Variants in TENM2 observed in about 807,000 individuals in gnomAD.
The protein encoded by TENM2 is teneurin-2.
In TENM2, 52 loss-of-function variants were observed where a neutral mutation model predicts 245.2. The ratio of observed to expected loss-of-function variants is 0.21; its 90% CI spans 0.17 to 0.27. TENM2 has a LOEUF of 0.27. Among genes scored for constraint, TENM2 ranks in the 10% least tolerant of loss-of-function variants. TENM2 has a pLI of 1.00. For missense variants in TENM2, 3,046 were observed against 3,666.8 expected, an observed-to-expected ratio of 0.83 and a Z score of 4.37; for synonymous variants, 1,363 against 1,438.9, an observed-to-expected ratio of 0.95 and a Z score of 1.19.
chr5:167,776,590 T>C (rs1374938523), intron 2 of TENM2, among the ~76,000 whole-genome samples: 10 of 61,794 alleles, frequency 1.6e-4, no homozygotes, highest in African/African-American at 1.1e-3. Flanking sequence ...TGAGACCCTG[T>C]CTGAAAAAAA....
the TENM2 span, among the ~76,000 whole-genome samples, chr5:167,112,656 G>C: frequency 6.6e-6 from 1 of 152,220 alleles, no homozygotes; most frequent in East Asian, 1.9e-4. Flanking sequence ...ACTGTTTCCA[G>C]ATGGAATTCA....
chr5:167,281,910 G>C (rs899148208), upstream of TENM2, among the ~76,000 whole-genome samples: 1 of 150,226 alleles, frequency 6.7e-6, no homozygotes, highest in Non-Finnish European at 1.5e-5. Flanking sequence ...AGAGGCAGGA[G>C]AATCGCTTGA....
intron 3 of TENM2, among the ~76,000 whole-genome samples, chr5:167,909,800 G>A (rs1293573563): frequency 6.6e-6 from 1 of 151,948 alleles, no homozygotes; most frequent in Non-Finnish European, 1.5e-5. Context: ...CATAAATATA[G>A]AACAGACTTA....
intron 5 of TENM2, among the ~76,000 whole-genome samples, chr5:168,011,509 C>A (rs894739907): frequency 3.3e-5 from 5 of 152,174 alleles, no homozygotes; most frequent in African/African-American, 1.2e-4. Flanking sequence ...TTGAAAATTC[C>A]TGCTCTAATT....
intron 12 of TENM2, among the ~76,000 whole-genome samples, chr5:168,152,176 G>T (rs1456342932): frequency 2.0e-5 from 3 of 152,218 alleles, no homozygotes; most frequent in Admixed American, 2.0e-4. Flanking sequence ...GCTAATGCAT[G>T]TAGGGGATCT....
chr5:167,239,490 A>G, the TENM2 span, among the ~76,000 whole-genome samples: 2 of 152,172 alleles, frequency 1.3e-5, no homozygotes, highest in Non-Finnish European at 2.9e-5. Context: ...CATTCACCTC[A>G]ATAGTCCAGC....
chr5:167,874,121 A>G (rs1435580242), intron 2 of TENM2, among the ~76,000 whole-genome samples: 1 of 151,010 alleles, frequency 6.6e-6, no homozygotes, highest in Non-Finnish European at 1.5e-5. Context: ...CTAAACCCCA[A>G]CTCCTACCTG....
intron 27 of TENM2, among the ~76,000 whole-genome samples, chr5:168,251,044 A>G (rs1269156788): frequency 6.6e-6 from 1 of 152,210 alleles, no homozygotes; most frequent in Non-Finnish European, 1.5e-5. Flanking sequence ...TTCCAGAGAC[A>G]GGAAACTGTG....
intron 19 of TENM2, among the ~76,000 whole-genome samples, chr5:168,204,989 C>G (rs535982705): frequency 9.2e-5 from 14 of 152,330 alleles, no homozygotes; most frequent in East Asian, 1.9e-4. Flanking sequence ...CTGGCTAGCT[C>G]TCTATAAAGT....
At chr5:167,003,616 A>G in the TENM2 span, among the ~76,000 whole-genome samples, 1 of 152,128 alleles carries the variant, frequency 6.6e-6, no homozygotes, top group Non-Finnish European at 1.5e-5. Context: ...GACAATCAGT[A>G]TTTGTTGCTT....
At chr5:167,944,322 C>A (rs759590741) in intron 3 of TENM2, among the ~76,000 whole-genome samples, 1 of 152,110 alleles carries the variant, frequency 6.6e-6, no homozygotes, top group East Asian at 1.9e-4. Context: ...ATGCCTGAAC[C>A]GCTAGAACAA....
chr5:168,168,939 G>A (rs1758552452), intron 13 of TENM2, among the ~76,000 whole-genome samples: 1 of 152,148 alleles, frequency 6.6e-6, no homozygotes, highest in South Asian at 2.1e-4. Flanking sequence ...GTTAGACCCT[G>A]AAAATAAGCC....
chr5:167,728,478 TG>T (rs1179567639), intron 2 of TENM2, among the ~76,000 whole-genome samples: 1 of 140,000 alleles, frequency 7.1e-6, no homozygotes, highest in African/African-American at 2.9e-5. Flanking sequence ...GGCATGGTGG[TG>T]CGTGCCTATG....
chr5:167,454,648 T>G (rs534674687), intron 2 of TENM2, among the ~76,000 whole-genome samples: 48 of 152,284 alleles, frequency 3.2e-4, no homozygotes, highest in African/African-American at 1.1e-3. Flanking sequence ...CTGCCCCATC[T>G]CTTTCCCATC....
At chr5:167,115,266 G>C in the TENM2 span, among the ~76,000 whole-genome samples, 1 of 152,136 alleles carries the variant, frequency 6.6e-6, no homozygotes, top group East Asian at 1.9e-4. Context: ...TCTACAAAAT[G>C]ATTTCTGAGA....
At chr5:168,224,191 G>T (rs1763933994) in intron 23 of TENM2, among the ~76,000 whole-genome samples, 1 of 152,192 alleles carries the variant, frequency 6.6e-6, no homozygotes, top group South Asian at 2.1e-4. Context: ...GCACAGAGGA[G>T]CCCTATTGAT....
Position 167,841,166 on chromosome 5 carries a change from C to T in TENM2, c.503-34820C>T, listed in dbSNP as rs575889510. On this transcript the variant is annotated intron_variant, in intron 2 of 28. Coordinates refer to ENST00000518659, the Ensembl canonical transcript of TENM2. ...CCATCTCCCAGGTTCAAGTGATTCT[C>T]CTGCCTCAATCTCCCAAGTAGCTGG... 5.1e-4 allele frequency among the ~76,000 whole-genome samples: 78 copies of T among 151,754 alleles called. 1 individual carries two copies. Among genetic ancestry groups the T allele is most frequent in the Non-Finnish European group, 7.8e-4 (53 of 68,018 alleles).
chr5:167,063,557 T>C, the TENM2 span, among the ~76,000 whole-genome samples: 1 of 152,206 alleles, frequency 6.6e-6, no homozygotes, highest in Non-Finnish European at 1.5e-5. Flanking sequence ...CTCATTTTTC[T>C]CTGTCAATGG....
chr5:167,255,888 A>G, the TENM2 span, among the ~76,000 whole-genome samples: 1 of 152,120 alleles, frequency 6.6e-6, no homozygotes, highest in Non-Finnish European at 1.5e-5. Context: ...TGGTGATGCC[A>G]TTGAAACACA....
Sources: gnomAD v4.1 joint callset for allele counts (sites outside exome capture counted in the v4.1 genomes callset) on GRCh38, gnomAD v4.1.1 for gene constraint, MANE v1.5 for transcripts, NCBI Gene and HGNC (gene_info 2026-07-23, HGNC 2026-07-21) for gene names.